The following RAD21L1 variants were observed in gnomAD, a reference collection of about 807,000 sequenced individuals.
RAD21L1 encodes double-strand-break repair protein rad21-like protein 1.
A neutral mutation model predicts 69.0 loss-of-function variants in RAD21L1; 47 were observed. The observed-to-expected ratio is 0.68, with a 90% CI of 0.54 to 0.87. The LOEUF (loss-of-function observed/expected upper bound fraction) is 0.87, where lower values mean the gene tolerates loss of function less well. Among genes scored for constraint, RAD21L1 ranks in the 40% least tolerant of loss-of-function variants. The pLI is 0.00. For synonymous variants in RAD21L1, 177 were observed against 205.8 expected (o/e 0.86, Z 1.20); for missense variants, 583 against 647.6 (o/e 0.90, Z 1.08).
Position 1,240,328 on chromosome 20 carries a change from A to G in RAD21L1, c.750A>G (p.Pro250=). The change falls in exon 8 of 14, where the codon CCA becomes CCG. Residue 250 remains proline, a synonymous_variant. Coordinates refer to ENST00000683101, the MANE Select transcript of RAD21L1 (RefSeq NM_001384355.1). The part of the protein sequence containing the change: ...SEPPNSLAVE[P]DNSECICVPE... ...TATGTGGATGTTGATTAGTTGAACCAGATAACTCAGAGTGTATATGTGTAC... is the reference window on the plus strand; with the variant it reads ...TATGTGGATGTTGATTAGTTGAACCGGATAACTCAGAGTGTATATGTGTAC... The G allele has an allele frequency of 9.8e-6, 15 of 1,534,274 alleles. No individual in the cohort carries two copies. The highest frequency in any genetic ancestry group is 1.3e-5 in the Non-Finnish European group (15 of 1,141,272).
intron 9 of RAD21L1, 21 bp from the exon 10 acceptor site, chr20:1,243,076 C>T (rs758065578): frequency 1.1e-5 from 16 of 1,443,520 alleles, no homozygotes; most frequent in Non-Finnish European, 1.4e-5. Context: ...ACAAAAAAAA[C>T]AAAAATGTGT....
At chr20:1,247,106 G>C (rs2087732608) in intron 12 of RAD21L1, among the ~76,000 whole-genome samples, 2 of 152,162 alleles carry the variant, frequency 1.3e-5, no homozygotes, top group Non-Finnish European at 2.9e-5. Flanking sequence ...TATCCAAACA[G>C]CTGAGCCAGA....
intron 6 of RAD21L1, 111 bp downstream of exon 6, chr20:1,238,325 G>T: frequency 3.9e-6 from 3 of 765,580 alleles, no homozygotes; most frequent in African/African-American, 1.7e-5. Context: ...TTTGTGTTAT[G>T]TAGGTCAATA....
intron 1 of RAD21L1, among the ~76,000 whole-genome samples, chr20:1,227,699 A>G (rs1482414910): frequency 6.6e-6 from 1 of 152,198 alleles, no homozygotes; most frequent in Non-Finnish European, 1.5e-5. Context: ...CAGTTTGTAA[A>G]AATGTGCATT....
At chr20:1,228,667 CTT>C (rs2087316851) in intron 2 of RAD21L1, 70 bp downstream of exon 2, 2 of 1,064,196 alleles carry the variant, frequency 1.9e-6, no homozygotes, top group South Asian at 1.8e-5. Flanking sequence ...TTAAGATACA[CTT>C]ATATCATGAA....
chr20:1,251,534 C>T (rs2087833373), intron 13 of RAD21L1, among the ~76,000 whole-genome samples: 1 of 151,874 alleles, frequency 6.6e-6, no homozygotes, highest in Non-Finnish European at 1.5e-5. Flanking sequence ...CTGTGTTGCT[C>T]AGGCTGGTTT....
At position 1,246,458 on chromosome 20, in the gene RAD21L1, A is replaced by G. The variant is rs1338855899; in HGVS notation, c.1401+153A>G. On this transcript the variant is annotated intron_variant, in intron 12 of 13. Coordinates refer to ENST00000683101, the MANE Select transcript of RAD21L1 (RefSeq NM_001384355.1). The surrounding 1 kb of genome is among the most constrained non-coding windows in gnomAD (Gnocchi z 4.6). ...GATTACAACAGAGATGTTTGTGAAT[A>G]GTTTGATAAAATATTCTGAATTGCT... 1.3e-5 allele frequency among the ~76,000 whole-genome samples: 2 copies of G among 152,172 alleles called. No homozygotes were observed. The highest frequency in any genetic ancestry group is 2.9e-5 in the Non-Finnish European group (2 of 68,018).
intron 4 of RAD21L1, among the ~76,000 whole-genome samples, chr20:1,233,210 A>C (rs1344889676): frequency 6.6e-6 from 1 of 152,208 alleles, no homozygotes; most frequent in Non-Finnish European, 1.5e-5. Context: ...TCTGAAATTC[A>C]GGAGAGAGGT....
Position 1,243,140 on chromosome 20 carries a change from GA to G in RAD21L1, c.1132del (p.Met378Ter). 3 of 1,539,944 alleles carry G rather than the reference GA, an allele frequency of 1.9e-6. No homozygotes were observed. The highest frequency in any genetic ancestry group is 2.1e-5 in the Admixed American group (1 of 48,230). ...CFLSSGFKLGRKMIQKESVRE... is the reference protein window; with the variant it reads ...CFLSSGFKLGXKMIQKESVRE... ...CTGTCCTCTGGCTTTAAACTTGGAA[GA>G]AAAATGATACAGAAGGAGTCAGTAA... On this transcript the variant is annotated frameshift_variant, in exon 10 of 14. Coordinates refer to ENST00000683101, the MANE Select transcript of RAD21L1 (RefSeq NM_001384355.1). LOFTEE classifies it high-confidence loss of function.
chr20:1,253,213 T>C (rs1600234497), intron 13 of RAD21L1, among the ~76,000 whole-genome samples: 1 of 152,232 alleles, frequency 6.6e-6, no homozygotes, highest in South Asian at 2.1e-4. Context: ...AAACCTTGTA[T>C]GTGGTATTTC....
chr20:1,244,906 T>G (rs2087689287), intron 11 of RAD21L1, among the ~76,000 whole-genome samples: 1 of 152,166 alleles, frequency 6.6e-6, no homozygotes, highest in Non-Finnish European at 1.5e-5. Context: ...AATTTCACAG[T>G]GCATTCAAAC....
intron 13 of RAD21L1, among the ~76,000 whole-genome samples, chr20:1,251,372 T>G (rs2087828995): frequency 6.6e-6 from 1 of 150,902 alleles, no homozygotes; most frequent in South Asian, 2.1e-4. Flanking sequence ...GTGCTTTGGT[T>G]TTTTTTTTTT....
At chr20:1,236,198 C>T (rs2087492306) in intron 5 of RAD21L1, among the ~76,000 whole-genome samples, 1 of 152,166 alleles carries the variant, frequency 6.6e-6, no homozygotes, top group African/African-American at 2.4e-5. Context: ...ATATAGTTCA[C>T]CAGTACCAAA....
rs556927724 is a variant in RAD21L1, at chr20:1,239,074, G to A, written c.647-238G>A. Among the ~76,000 whole-genome samples the A allele has an allele frequency of 1.6e-4, 24 of 152,208 alleles. No individual in the cohort carries two copies. In the South Asian group the frequency reaches 4.6e-3, roughly 29 times the overall value. On this transcript the variant is annotated intron_variant, in intron 6 of 13. Coordinates refer to ENST00000683101, the MANE Select transcript of RAD21L1 (RefSeq NM_001384355.1). ...ACTCCTGACCTCAGGTGATCCACCC[G>A]CCTCAGCTTCCCAATGTGCTGGGAT... is the stretch of plus-strand genomic sequence containing the variant.
chr20:1,227,642 C>T (rs547731488), intron 1 of RAD21L1, among the ~76,000 whole-genome samples: 31 of 152,328 alleles, frequency 2.0e-4, no homozygotes, highest in African/African-American at 7.0e-4. Context: ...CATCCCTTCT[C>T]ATCTTTAGCT....
In RAD21L1 at chr20:1,242,677, G is replaced by A; in HGVS notation, c.915G>A (p.Glu305=). 1.3e-6 allele frequency: 2 copies of A among 1,551,596 alleles called. No homozygotes were observed. The highest frequency in any genetic ancestry group is 1.7e-6 in the Non-Finnish European group (2 of 1,146,924). The change falls in exon 9 of 14, where the codon GAG becomes GAA. Residue 305 remains glutamate, a synonymous_variant. Transcript: ENST00000683101. Reference sequence around the variant, plus strand: ...GATTGCTCATAGATCCTATCAAGGAGCTCAGTAGCAAAGTTATACATAAAC... The same window carrying A: ...GATTGCTCATAGATCCTATCAAGGAACTCAGTAGCAAAGTTATACATAAAC... ...KRRLLIDPIK[E]LSSKVIHKQL... is the part of the protein sequence containing the mutation.
chr20:1,246,060 G>A lies in RAD21L1; in HGVS notation c.1309-153G>A. 2.2e-6 allele frequency: 1 copy of A among 458,038 alleles called. No homozygotes were observed. Among genetic ancestry groups the A allele is most frequent in the South Asian group, 4.3e-5 (1 of 23,262 alleles). 28.4% of individuals were successfully genotyped at this position (458,038 alleles called of 1,614,324 possible). A position where few individuals can be genotyped will look rare whatever the true frequency, so the allele number is the denominator to read the frequency against. The stretch of plus-strand genomic sequence containing the variant: ...TTTAAGTCAAAGACTGCCTATCTGG[G>A]GTATTTCAGAGATAATATTTTGAGA... On this transcript the variant is annotated intron_variant, in intron 11 of 13. Transcript: ENST00000683101. This position sits in a 1 kb window ranked among gnomAD's most constrained non-coding sequence, Gnocchi z 4.6.
intron 4 of RAD21L1, among the ~76,000 whole-genome samples, chr20:1,233,167 C>T (rs1034226440): frequency 6.6e-6 from 1 of 152,044 alleles, no homozygotes; most frequent in African/African-American, 2.4e-5. Context: ...AACACAATAT[C>T]GAAGGGAGTA....
intron 13 of RAD21L1, among the ~76,000 whole-genome samples, chr20:1,250,317 A>G (rs1429649282): frequency 6.7e-6 from 1 of 150,190 alleles, no homozygotes; most frequent in Non-Finnish European, 1.5e-5. Flanking sequence ...GGTTTGTTAC[A>G]TATGTATACA....
Sources: allele counts gnomAD v4.1 joint callset (sites outside exome capture counted in the v4.1 genomes callset), GRCh38; gene constraint gnomAD v4.1.1; non-coding constraint Gnocchi (gnomAD v3.1); transcripts MANE v1.5; gene names NCBI Gene and HGNC (gene_info 2026-07-23, HGNC 2026-07-21).